Variants in ABLIM1 observed in about 807,000 individuals in gnomAD.
ABLIM1 encodes actin-binding LIM protein 1.
ABLIM1 carries 40 observed loss-of-function variants against 107.0 expected under a neutral mutation model. The observed-to-expected ratio is 0.37, with a 90% CI of 0.29 to 0.49. The LOEUF (loss-of-function observed/expected upper bound fraction) is 0.49, where lower values mean the gene tolerates loss of function less well. ABLIM1 is among the 20% of genes least tolerant of loss of function. The pLI, the probability that ABLIM1 is intolerant of heterozygous loss-of-function variation, is 0.97. For synonymous variants in ABLIM1, 357 were observed against 357.3 expected (o/e 1.00, Z 0.01); for missense variants, 857 against 1,008.5 (o/e 0.85, Z 2.04).
At chr10:114,439,804 C>A in intron 20 of ABLIM1, 1 of 516,560 alleles carries the variant, frequency 1.9e-6, no homozygotes, top group Non-Finnish European at 3.4e-6. Flanking sequence ...ACCCTTGATG[C>A]TGGTCCACTT....
intron 2 of ABLIM1, among the ~76,000 whole-genome samples, chr10:114,580,699 T>G (rs571397526): frequency 6.6e-6 from 1 of 152,348 alleles, no homozygotes; most frequent in East Asian, 1.9e-4. Context: ...AACATTATTT[T>G]TTTTTAACAA....
Position 114,608,852 on chromosome 10 carries a change from T to C in ABLIM1, c.245-6891A>G, listed in dbSNP as rs547850984. ...CAACATGGCAAAACCCTGTCTCTAC[T>C]AAAAATGCAAAAATTAGCTGGGTGT... is the stretch of plus-strand genomic sequence containing the variant. On this transcript the variant is annotated intron_variant, in intron 1 of 22. Transcript: ENST00000533213. 3.3e-5 allele frequency among the ~76,000 whole-genome samples: 5 copies of C among 149,616 alleles called. No individual in the cohort carries two copies. The East Asian group carries it at 1.0e-3, about 31-fold the overall frequency.
At chr10:114,582,831 C>G (rs1566005131) in intron 2 of ABLIM1, among the ~76,000 whole-genome samples, 2 of 152,050 alleles carry the variant, frequency 1.3e-5, no homozygotes, top group African/African-American at 4.8e-5. Context: ...GAAACTAGAC[C>G]CCTACCTATC....
chr10:114,769,468 A>G, upstream of ABLIM1, among the ~76,000 whole-genome samples: 5 of 111,612 alleles, frequency 4.5e-5, no homozygotes, highest in East Asian at 2.0e-4. Context: ...AGAAAGAAAG[A>G]AAGAAAGAAA....
chr10:114,623,083 C>G (rs1425792323), intron 1 of ABLIM1, among the ~76,000 whole-genome samples: 1 of 152,178 alleles, frequency 6.6e-6, no homozygotes, highest in African/African-American at 2.4e-5. Context: ...CCTCAGCTTC[C>G]TGAGTAGCTG....
intron 1 of ABLIM1, among the ~76,000 whole-genome samples, chr10:114,756,866 T>C (rs944022390): frequency 6.6e-6 from 1 of 152,180 alleles, no homozygotes; most frequent in East Asian, 1.9e-4. Context: ...ACATCTTGTA[T>C]GTAACGCCAT....
At chr10:114,449,276 T>A (rs1418553711) in intron 14 of ABLIM1, among the ~76,000 whole-genome samples, 2 of 152,234 alleles carry the variant, frequency 1.3e-5, no homozygotes, top group African/African-American at 2.4e-5. Context: ...ACTAAATATT[T>A]CAAAATGTAT....
intron 1 of ABLIM1, among the ~76,000 whole-genome samples, chr10:114,625,330 G>A (rs947993418): frequency 1.3e-5 from 2 of 152,132 alleles, no homozygotes; most frequent in Admixed American, 1.3e-4. Flanking sequence ...AATAGAAGTG[G>A]GTATTGACTA....
chr10:114,663,219 C>T (rs1268332737), upstream of ABLIM1, among the ~76,000 whole-genome samples: 1 of 152,190 alleles, frequency 6.6e-6, no homozygotes, highest in Admixed American at 6.5e-5. Context: ...ACATTACCTC[C>T]TCCATACAGG....
rs181680124 is a variant in ABLIM1, at chr10:114,664,452, T to C, written c.64+19838A>G. On this transcript the variant is annotated intron_variant, in intron 1 of 23. Transcript: ENST00000369256. ...CGTTACAGCAGTAAAAGTTTGGGGG[T>C]TTGGCTTAGAGTTTGGGGATATGGT... Among the ~76,000 whole-genome samples the C allele has an allele frequency of 3.8e-3, 579 of 152,224 alleles. 3 individuals carry two copies. Among genetic ancestry groups the C allele is most frequent in the African/African-American group, 0.013 (554 of 41,540 alleles).
chr10:114,622,594 A>C, intron 1 of ABLIM1, among the ~76,000 whole-genome samples: 1 of 152,180 alleles, frequency 6.6e-6, no homozygotes, highest in East Asian at 1.9e-4. Flanking sequence ...TGTTTCAAAT[A>C]GAGAACAACA....
intron 6 of ABLIM1, among the ~76,000 whole-genome samples, chr10:114,519,818 A>G (rs182396407): frequency 2.3e-3 from 347 of 152,302 alleles, no homozygotes; most frequent in Non-Finnish European, 3.7e-3. Context: ...AGTTTTTGAC[A>G]TCCATAAATA....
intron 20 of ABLIM1, chr10:114,439,570 T>A: frequency 2.3e-6 from 1 of 431,912 alleles, no homozygotes; most frequent in South Asian, 2.8e-5. Flanking sequence ...TCTTTAATCA[T>A]GATTTTCTAT....
At chr10:114,440,907 C>A (rs1003402513) in intron 19 of ABLIM1, 110 bp downstream of exon 19, 1 of 1,073,138 alleles carries the variant, frequency 9.3e-7, no homozygotes, top group African/African-American at 1.6e-5. Flanking sequence ...AGATGTGATC[C>A]TACTCTAAGG....
chr10:114,776,994 A>G, the ABLIM1 span, among the ~76,000 whole-genome samples: 7 of 152,202 alleles, frequency 4.6e-5, no homozygotes, highest in Non-Finnish European at 1.0e-4. Flanking sequence ...TATTCTACTT[A>G]GGTTGCACTT....
At chr10:114,788,138 C>G in the ABLIM1 span, among the ~76,000 whole-genome samples, 14 of 151,472 alleles carry the variant, frequency 9.2e-5, no homozygotes, top group African/African-American at 3.2e-4. Context: ...GCAGCATGCT[C>G]GTTAAGAGTC....
intron 1 of ABLIM1, among the ~76,000 whole-genome samples, chr10:114,650,288 T>C (rs1023142528): frequency 6.6e-6 from 1 of 152,150 alleles, no homozygotes; most frequent in Non-Finnish European, 1.5e-5. Flanking sequence ...CCCAGAATCA[T>C]TAGGATCAAA....
intron 12 of ABLIM1, among the ~76,000 whole-genome samples, chr10:114,464,997 G>T (rs918366936): frequency 6.6e-6 from 1 of 152,180 alleles, no homozygotes; most frequent in South Asian, 2.1e-4. Context: ...TAGCTACAGA[G>T]ACTAAATTCT....
chr10:114,569,324 T>TC, intron 4 of ABLIM1, among the ~76,000 whole-genome samples: 1 of 152,016 alleles, frequency 6.6e-6, no homozygotes, highest in South Asian at 2.1e-4. Context: ...CTTTTTCTTT[T>TC]TTTTTTTTCT....
Sources: gnomAD v4.1 joint callset for allele counts (sites outside exome capture counted in the v4.1 genomes callset) on GRCh38, gnomAD v4.1.1 for gene constraint, MANE v1.5 for transcripts, NCBI Gene and HGNC (gene_info 2026-07-23, HGNC 2026-07-21) for gene names.